The following MORN5 variants were observed in gnomAD, a reference collection of about 807,000 sequenced individuals.
MORN5 encodes the protein MORN repeat containing 5.
MORN5 carries 21 observed loss-of-function variants against 22.1 expected under a neutral mutation model. That is an observed-to-expected ratio of 0.95 (90% CI 0.67 to 1.37). The LOEUF (loss-of-function observed/expected upper bound fraction) is 1.37, where lower values mean the gene tolerates loss of function less well. Ranked by LOEUF, MORN5 falls within the 40% of genes most tolerant of loss-of-function variation. The pLI, the probability that MORN5 is intolerant of heterozygous loss-of-function variation, is 0.00. For synonymous variants in MORN5, 73 were observed against 74.0 expected, an observed-to-expected ratio of 0.99 and a Z score of 0.07; for missense variants, 211 against 215.1, an observed-to-expected ratio of 0.98 and a Z score of 0.12.
intron 4 of MORN5, among the ~76,000 whole-genome samples, chr9:122,182,847 C>T (rs1829557034): frequency 6.6e-6 from 1 of 152,246 alleles, no homozygotes; most frequent in African/African-American, 2.4e-5. Flanking sequence ...GCAATGAAGA[C>T]ACTTGGTCTC....
intron 4 of MORN5, among the ~76,000 whole-genome samples, chr9:122,190,698 C>T (rs1829743212): frequency 1.3e-5 from 2 of 152,282 alleles, no homozygotes; most frequent in Admixed American, 6.5e-5. Flanking sequence ...TCCACCTCCC[C>T]GCCCTGTGGC....
In MORN5 at chr9:122,193,855, C is replaced by T. The variant is rs1829829120; in HGVS notation, c.440-6030C>T. Among the ~76,000 whole-genome samples, 4 of 152,092 alleles carry T rather than the reference C, an allele frequency of 2.6e-5. No individual in the cohort carries two copies. The South Asian group carries it at 8.3e-4, about 32-fold the overall frequency. On this transcript the variant is annotated intron_variant, in intron 4 of 4. Transcript: ENST00000373764. ...CAGTTCCTCCGGTGGCTGCATTTTA[C>T]AGTGCGAGGGGAGCTGGGAGGGAAG...
chr9:122,167,637 A>G (rs1260523862), intron 2 of MORN5, among the ~76,000 whole-genome samples: 1 of 152,144 alleles, frequency 6.6e-6, no homozygotes, highest in Non-Finnish European at 1.5e-5. Flanking sequence ...GCCTGATCTT[A>G]GGCCCACGAC....
At position 122,175,785 on chromosome 9, in the gene MORN5, G is replaced by C. The variant is rs1829441345; in HGVS notation, c.439+1158G>C. ...ATAGGGAAATTTACTCAGTAAGTCA[G>C]TGATGACCAGAAAGGTGCCTCATGG... On this transcript the variant is annotated intron_variant, in intron 4 of 4. Transcript: ENST00000373764. The C allele has an allele frequency of 4.7e-6, 4 of 846,950 alleles. No homozygotes were observed. The South Asian group carries it at 2.2e-4, about 46-fold the overall frequency. The allele number at this position is 846,950 out of a possible 1,614,324, so 52.5% of individuals were successfully genotyped here.
intron 1 of MORN5, among the ~76,000 whole-genome samples, chr9:122,166,294 A>ATATATATATATATATATATATAT (rs200859903): frequency 2.6e-5 from 4 of 151,716 alleles, no homozygotes; most frequent in African/African-American, 9.7e-5. Flanking sequence ...ATATATATAT[A>ATATATATATATATATATATATAT]ATGGTGGTAA....
chr9:122,162,559 A>G (rs565604466), intron 1 of MORN5, among the ~76,000 whole-genome samples: 1 of 152,372 alleles, frequency 6.6e-6, no homozygotes, highest in South Asian at 2.1e-4. Context: ...AACCAAAACT[A>G]GAAACAAACC....
intron 4 of MORN5, among the ~76,000 whole-genome samples, chr9:122,196,792 CAT>C (rs1432697632): frequency 2.0e-5 from 3 of 152,176 alleles, no homozygotes; most frequent in African/African-American, 7.2e-5. Context: ...ACAGTTATGA[CAT>C]AGGATATACT....
intron 4 of MORN5, among the ~76,000 whole-genome samples, chr9:122,184,187 G>T (rs1829576990): frequency 6.6e-6 from 1 of 152,274 alleles, no homozygotes; most frequent in South Asian, 2.1e-4. Context: ...TGGGGTTAAG[G>T]AATTTCCCCA....
rs948112481 is a variant in MORN5 at position 122,198,083 on chromosome 9, A to G, written c.440-1802A>G. On this transcript the variant is annotated intron_variant, in intron 4 of 4. Transcript: ENST00000373764. ...CCTGGGGTGAGAGGTCAGGCTGCAG[A>G]GCCTGGTGAACCTTGGTTGGAATCC... is the stretch of plus-strand genomic sequence containing the variant. Among the ~76,000 whole-genome samples the G allele has an allele frequency of 4.6e-5, 7 of 152,300 alleles. No individual in the cohort carries two copies. The South Asian group carries it at 1.5e-3, about 32-fold the overall frequency.
chr9:122,176,853 G>A (rs115072023), intron 4 of MORN5, among the ~76,000 whole-genome samples: 2,083 of 152,268 alleles, frequency 0.014, 53 homozygotes, highest in African/African-American at 0.048. Context: ...ACTCCAGCCC[G>A]GGTGATAGTG....
intron 3 of MORN5, among the ~76,000 whole-genome samples, chr9:122,174,271 C>G (rs1829410429): frequency 6.6e-6 from 1 of 152,164 alleles, no homozygotes; most frequent in Admixed American, 6.5e-5. Context: ...AAGAAGAAGA[C>G]AGAGGGTCTC....
At chr9:122,174,793 G>A (rs1213093385) in intron 4 of MORN5, 166 bp downstream of exon 4, 15 of 1,498,378 alleles carry the variant, frequency 1.0e-5, no homozygotes, top group Non-Finnish European at 1.3e-5. Flanking sequence ...CTCGTGGCTG[G>A]CAAATCTGTA....
chr9:122,188,268 C>G (rs1223146922), intron 4 of MORN5, among the ~76,000 whole-genome samples: 1 of 152,196 alleles, frequency 6.6e-6, no homozygotes, highest in Admixed American at 6.5e-5. Flanking sequence ...ACAGACTTGG[C>G]TATCACTCTG....
chr9:122,170,219 T>C (rs753321220), intron 3 of MORN5, among the ~76,000 whole-genome samples: 3 of 150,512 alleles, frequency 2.0e-5, no homozygotes, highest in Non-Finnish European at 4.4e-5. Flanking sequence ...TCGTTTGAAC[T>C]CAGGAGGTGG....
chr9:122,179,098 G>T (rs983319827), intron 4 of MORN5, among the ~76,000 whole-genome samples: 11 of 152,158 alleles, frequency 7.2e-5, no homozygotes, highest in African/African-American at 2.4e-4. Context: ...AATGCAGCAG[G>T]GTTGGTAAGA....
At chr9:122,180,630 G>A (rs997325649) in intron 4 of MORN5, among the ~76,000 whole-genome samples, 2 of 152,096 alleles carry the variant, frequency 1.3e-5, no homozygotes, top group Non-Finnish European at 2.9e-5. Flanking sequence ...TGGTTGCTAG[G>A]CACTAAATTG....
Position 122,160,001 on chromosome 9 carries a change from G to C in MORN5, c.29G>C (p.Gly10Ala), listed in dbSNP as rs1388346305. The C allele has an allele frequency of 6.2e-7, 1 of 1,613,956 alleles. No homozygotes were observed. Among genetic ancestry groups the C allele is most frequent in the East Asian group, 2.2e-5 (1 of 44,880 alleles). Reference protein sequence around the residue: MEYTGSKYIGEYVDGRMEGK... With the variant: MEYTGSKYIAEYVDGRMEGK... ...GAGTACACAGGGAGCAAATATATCG[G>C]GGAATATGTAGATGGGAGGTAAGGG... Residue 10 changes from glycine (G) to alanine (A), a missense_variant, in exon 1 of 5, where the codon GGG becomes GCG. Gly to Ala is a moderately conservative substitution (Grantham distance 60). Coordinates refer to ENST00000373764, the MANE Select transcript of MORN5 (RefSeq NM_198469.4).
At position 122,186,192 on chromosome 9, in the gene MORN5, G is replaced by A. The variant is rs571660558; in HGVS notation, c.439+11565G>A. 9.3e-4 allele frequency among the ~76,000 whole-genome samples: 141 copies of A among 152,260 alleles called. 1 individual carries two copies. The highest frequency in any genetic ancestry group is 3.1e-3 in the African/African-American group (128 of 41,546). Reference sequence around the variant, plus strand: ...GTATTGAACGCCTCCATGGTGCCAGGGACTTACCACATCCCAGTTCTTTGA... The same window carrying A: ...GTATTGAACGCCTCCATGGTGCCAGAGACTTACCACATCCCAGTTCTTTGA... On this transcript the variant is annotated intron_variant, in intron 4 of 4. Coordinates refer to ENST00000373764, the MANE Select transcript of MORN5 (RefSeq NM_198469.4).
chr9:122,190,726 T>G (rs1378753493), intron 4 of MORN5, among the ~76,000 whole-genome samples: 1 of 152,258 alleles, frequency 6.6e-6, no homozygotes, highest in East Asian at 1.9e-4. Context: ...GCCTAGGCAA[T>G]GACTCCTCAG....
Sources: allele counts gnomAD v4.1 joint callset (sites outside exome capture counted in the v4.1 genomes callset), GRCh38; gene constraint gnomAD v4.1.1; transcripts MANE v1.5; gene names NCBI Gene and HGNC (gene_info 2026-07-23, HGNC 2026-07-21).